F3: variants seen among roughly 807,000 people sequenced by gnomAD.
The protein encoded by F3 is tissue factor.
Under a neutral mutation model 33.5 loss-of-function variants are expected in F3, and 18 were observed. The ratio of observed to expected loss-of-function variants is 0.54; its 90% CI spans 0.37 to 0.80. The LOEUF (loss-of-function observed/expected upper bound fraction) is 0.80, where lower values mean the gene tolerates loss of function less well. Among genes scored for constraint, F3 ranks in the 30% least tolerant of loss-of-function variants. The pLI is 0.00. For synonymous variants in F3, 147 were observed against 140.7 expected, an observed-to-expected ratio of 1.05 and a Z score of -0.32; for missense variants, 353 against 362.1, an observed-to-expected ratio of 0.97 and a Z score of 0.20.
At chr1:94,535,624 GA>G (rs1651579074) in intron 3 of F3, among the ~76,000 whole-genome samples, 1 of 152,004 alleles carries the variant, frequency 6.6e-6, no homozygotes, top group South Asian at 2.1e-4. Flanking sequence ...TATATATAGG[GA>G]AAAGCTAAAA....
chr1:94,534,361 G>A (rs3917619), intron 3 of F3, among the ~76,000 whole-genome samples: 9 of 152,126 alleles, frequency 5.9e-5, no homozygotes, highest in Non-Finnish European at 1.2e-4. Context: ...AGTTATACTC[G>A]GATTTTCAAC....
At chr1:94,537,844 T>C (rs1651659273) in intron 2 of F3, among the ~76,000 whole-genome samples, 2 of 152,242 alleles carry the variant, frequency 1.3e-5, no homozygotes, top group South Asian at 4.1e-4. Context: ...TTTTATTTTA[T>C]CATTTCCATT....
In F3 at chr1:94,529,816, A is replaced by C. The variant is rs958061123; in HGVS notation, c.*644T>G. 6.6e-6 allele frequency: 1 copy of C among 152,192 alleles called. No individual in the cohort carries two copies. Among genetic ancestry groups the C allele is most frequent in the Non-Finnish European group, 1.5e-5 (1 of 68,044 alleles). 9.4% of individuals were successfully genotyped at this position (152,192 alleles called of 1,614,324 possible). ...CGGCTGGGCATGGTGGTTCACGCCC[A>C]TAATACTAGCACTTTGGGAGGCCAA... On this transcript the variant is annotated 3_prime_UTR_variant, in exon 6 of 6. Transcript: ENST00000334047.
chr1:94,540,137 T>A lies in F3; in HGVS notation c.212+120A>T, dbSNP rs539936272. 10 of 731,758 alleles carry A rather than the reference T, an allele frequency of 1.4e-5. No homozygotes were observed. In the African/African-American group the frequency reaches 1.6e-4, roughly 12 times the overall value. 45.3% of individuals were successfully genotyped at this position (731,758 alleles called of 1,614,324 possible). On this transcript the variant is annotated intron_variant, in intron 2 of 5. Transcript: ENST00000334047. ...CGGCCAGCGAATTGCCAAGAATCCCTTCTTCTTCGTCATCTGTTAAATAAT... is the reference window on the plus strand; with the variant it reads ...CGGCCAGCGAATTGCCAAGAATCCCATCTTCTTCGTCATCTGTTAAATAAT...
intron 2 of F3, among the ~76,000 whole-genome samples, chr1:94,539,157 C>A (rs1651696921): frequency 6.6e-6 from 1 of 152,068 alleles, no homozygotes; most frequent in Non-Finnish European, 1.5e-5. Flanking sequence ...CTTACTAATT[C>A]TCAATTGGTG....
chr1:94,538,212 G>A (rs1447996583), intron 2 of F3, among the ~76,000 whole-genome samples: 1 of 152,208 alleles, frequency 6.6e-6, no homozygotes, highest in African/African-American at 2.4e-5. Flanking sequence ...TCACTAATTT[G>A]GTTGCAGGTT....
intron 3 of F3, 105 bp from the exon 4 acceptor site, chr1:94,533,373 A>G: frequency 7.4e-7 from 1 of 1,353,884 alleles, no homozygotes; most frequent in South Asian, 1.3e-5. Flanking sequence ...CATATAAAAC[A>G]TGTGCATAGA....
rs561305496 is a variant in F3, at chr1:94,534,915, C to A, written c.412+1050G>T. Among the ~76,000 whole-genome samples, 4 of 152,136 alleles carry A rather than the reference C, an allele frequency of 2.6e-5. No homozygotes were observed. The South Asian group carries it at 8.3e-4, about 32-fold the overall frequency. ...AGGGGGGAAATGAATGTCAACCATG[C>A]CACAGTCACCAGAGGGGCTGCTGAC... is the stretch of plus-strand genomic sequence containing the variant. On this transcript the variant is annotated intron_variant, in intron 3 of 5. Coordinates refer to ENST00000334047, the MANE Select transcript of F3 (RefSeq NM_001993.5).
At chr1:94,531,431 A>G (rs1235069946) in intron 5 of F3, among the ~76,000 whole-genome samples, 1 of 151,710 alleles carries the variant, frequency 6.6e-6, no homozygotes, top group Non-Finnish European at 1.5e-5. Context: ...CCTCCTGAGT[A>G]GCTGGGACTA....
In F3 at chr1:94,529,996, C is replaced by T. The variant is rs1424957235; in HGVS notation, c.*464G>A. 1 of 146,160 alleles carries T rather than the reference C, an allele frequency of 6.8e-6. No individual in the cohort carries two copies. Among genetic ancestry groups the T allele is most frequent in the Non-Finnish European group, 1.5e-5 (1 of 68,120 alleles). The allele number at this position is 146,160 out of a possible 1,614,324, so 9.1% of individuals were successfully genotyped here. A position where few individuals can be genotyped will look rare whatever the true frequency, so the allele number is the denominator to read the frequency against. The stretch of plus-strand genomic sequence containing the variant: ...AGGCTGAGGCAGACAATTGCTTGAA[C>T]CCGAGAGACGGAGGGTGCAGTGAGC... On this transcript the variant is annotated 3_prime_UTR_variant, in exon 6 of 6. Coordinates refer to ENST00000334047, the MANE Select transcript of F3 (RefSeq NM_001993.5).
chr1:94,541,448 G>A lies in F3; in HGVS notation c.100+89C>T, dbSNP rs925022387. On this transcript the variant is annotated intron_variant, in intron 1 of 5. Transcript: ENST00000334047. ...CGGGGGACAACATGGGCGCCCCGGG[G>A]AACCAGGGCGAGCCCGCTGCCAGCC... 9 of 1,058,946 alleles carry A rather than the reference G, an allele frequency of 8.5e-6. No individual in the cohort carries two copies. In the African/African-American group the frequency reaches 1.2e-4, roughly 14 times the overall value. The allele number at this position is 1,058,946 out of a possible 1,614,324, so 65.6% of individuals were successfully genotyped here.
intron 2 of F3, 47 bp downstream of exon 2, chr1:94,540,210 G>C (rs758476854): frequency 1.1e-5 from 13 of 1,182,410 alleles, no homozygotes; most frequent in Non-Finnish European, 1.4e-5. Context: ...GCATAGGACA[G>C]TAGAAACATC....
At chr1:94,533,395 G>A in intron 3 of F3, 127 bp from the exon 4 acceptor site, 1 of 1,164,656 alleles carries the variant, frequency 8.6e-7, no homozygotes, top group Admixed American at 2.7e-5. Context: ...CCAGCTCCCT[G>A]AAAGAAGCAG....
chr1:94,532,215 A>G, intron 5 of F3, 106 bp downstream of exon 5: 1 of 1,137,990 alleles, frequency 8.8e-7, no homozygotes, highest in Non-Finnish European at 1.2e-6. Context: ...GTTTTCCTGA[A>G]TATTTAACCA....
chr1:94,533,276 A>G lies in F3; in HGVS notation c.413-8T>C, dbSNP rs1187679813. ...TTGGCTGTCCGAGGTTTGCTGAAAC[A>G]AAGGAAATGAGCTTGGTTGGAACCA... On this transcript the variant is annotated splice_polypyrimidine_tract_variant and splice_region_variant and intron_variant, in intron 3 of 5. Transcript: ENST00000334047. The G allele has an allele frequency of 1.2e-6, 2 of 1,606,938 alleles. No homozygotes were observed. Among genetic ancestry groups the G allele is most frequent in the South Asian group, 1.1e-5 (1 of 88,616 alleles).
intron 1 of F3, 101 bp downstream of exon 1, chr1:94,541,435 TG>T: frequency 1.1e-6 from 1 of 946,610 alleles, no homozygotes; most frequent in Non-Finnish European, 1.5e-6. Context: ...GGGGACAACA[TG>T]GGCGCCCCGG....
intron 4 of F3, among the ~76,000 whole-genome samples, chr1:94,532,686 T>G (rs1391537872): frequency 2.6e-5 from 4 of 152,216 alleles, no homozygotes; most frequent in African/African-American, 9.6e-5. Flanking sequence ...AGATCCAATT[T>G]AGGCATATTG....
At position 94,529,801 on chromosome 1, in the gene F3, T is replaced by C. The variant is rs1025124326; in HGVS notation, c.*659A>G. 19 of 152,134 alleles carry C rather than the reference T, an allele frequency of 1.2e-4. No individual in the cohort carries two copies. Among genetic ancestry groups the C allele is most frequent in the African/African-American group, 4.3e-4 (18 of 41,422 alleles). The allele number at this position is 152,134 out of a possible 1,614,324, so 9.4% of individuals were successfully genotyped here. ...CCCTCAAAAGCTTTTCGGCTGGGCA[T>C]GGTGGTTCACGCCCATAATACTAGC... On this transcript the variant is annotated 3_prime_UTR_variant, in exon 6 of 6. Coordinates refer to ENST00000334047, the MANE Select transcript of F3 (RefSeq NM_001993.5).
chr1:94,540,962 T>C (rs1651754186), intron 1 of F3: 1 of 153,178 alleles, frequency 6.5e-6, no homozygotes, highest in Non-Finnish European at 1.5e-5. Context: ...GGTCCCAGTC[T>C]CTACGCCGTC....
Sources: allele counts gnomAD v4.1 joint callset (sites outside exome capture counted in the v4.1 genomes callset), GRCh38; gene constraint gnomAD v4.1.1; transcripts MANE v1.5; gene names NCBI Gene and HGNC (gene_info 2026-07-23, HGNC 2026-07-21).